The following CSMD1 variants were observed in gnomAD, a reference collection of about 807,000 sequenced individuals.
CSMD1 encodes CUB and Sushi multiple domains 1.
Under a neutral mutation model 417.5 loss-of-function variants are expected in CSMD1, and 213 were observed. The observed-to-expected ratio is 0.51, with a 90% confidence interval of 0.46 to 0.57. The LOEUF is 0.57. Among genes scored for constraint, CSMD1 ranks in the 20% least tolerant of loss-of-function variants. The pLI, the probability that CSMD1 is intolerant of heterozygous loss-of-function variation, is 0.00. For missense variants in CSMD1, 6,923 were observed against 4,529.7 expected, an observed-to-expected ratio of 1.53 and a Z score of -15.17; for synonymous variants, 2,862 against 1,736.8, an observed-to-expected ratio of 1.65 and a Z score of -16.11.
intron 7 of CSMD1, among the ~76,000 whole-genome samples, chr8:3,701,189 G>C (rs1037771818): frequency 6.6e-6 from 1 of 152,098 alleles, no homozygotes; most frequent in Non-Finnish European, 1.5e-5. Flanking sequence ...TGGATAGGAA[G>C]TTCTGGCCCG....
At chr8:3,001,520 G>C (rs1197346358) in intron 52 of CSMD1, among the ~76,000 whole-genome samples, 12 of 152,102 alleles carry the variant, frequency 7.9e-5, no homozygotes, top group Admixed American at 7.9e-4. Flanking sequence ...CATTCACCAT[G>C]AGTTCCTAAA....
At chr8:3,643,756 A>G (rs906366925) in intron 7 of CSMD1, among the ~76,000 whole-genome samples, 1 of 150,928 alleles carries the variant, frequency 6.6e-6, no homozygotes, top group African/African-American at 2.4e-5. Flanking sequence ...CAGCTACTTA[A>G]TCACCTCCTA....
chr8:3,745,715 G>A (rs984719302), intron 6 of CSMD1, among the ~76,000 whole-genome samples: 4 of 152,190 alleles, frequency 2.6e-5, no homozygotes, highest in Admixed American at 2.6e-4. Flanking sequence ...CCTCCTCAGA[G>A]TAGATTCCTT....
chr8:4,659,593 A>G (rs1804454769), intron 1 of CSMD1, among the ~76,000 whole-genome samples: 2 of 152,238 alleles, frequency 1.3e-5, no homozygotes, highest in East Asian at 1.9e-4. Flanking sequence ...AGTTATATCC[A>G]TAGACACAGA....
At chr8:4,275,522 TG>T (rs1796436069) in intron 3 of CSMD1, among the ~76,000 whole-genome samples, 2 of 152,188 alleles carry the variant, frequency 1.3e-5, no homozygotes, top group African/African-American at 4.8e-5. Flanking sequence ...GTGCTGCTTT[TG>T]TAACTGTTAC....
At chr8:4,769,874 A>G (rs115283531) in intron 1 of CSMD1, among the ~76,000 whole-genome samples, 355 of 152,316 alleles carry the variant, frequency 2.3e-3, no homozygotes, top group African/African-American at 8.3e-3. Context: ...TCCCACCACT[A>G]ACATCATTTT....
chr8:4,404,425 T>C (rs1032552260), intron 3 of CSMD1, among the ~76,000 whole-genome samples: 6 of 152,194 alleles, frequency 3.9e-5, no homozygotes, highest in African/African-American at 7.2e-5. Context: ...TAATCATCAA[T>C]AAATATTTGT....
At chr8:3,608,409 A>G (rs1801725226) in intron 8 of CSMD1, among the ~76,000 whole-genome samples, 1 of 152,126 alleles carries the variant, frequency 6.6e-6, no homozygotes, top group Non-Finnish European at 1.5e-5. Flanking sequence ...GGAGCTCCCT[A>G]AGTTCAGTTT....
At chr8:4,770,231 ACATATT>A (rs1369495219) in intron 1 of CSMD1, among the ~76,000 whole-genome samples, 1 of 148,638 alleles carries the variant, frequency 6.7e-6, no homozygotes, top group Non-Finnish European at 1.5e-5. Context: ...ATTCCTATAT[ACATATT>A]CATATATGTA....
Position 3,902,441 on chromosome 8 carries a change from T to C in CSMD1, c.818+95462A>G, listed in dbSNP as rs2129134339. The stretch of plus-strand genomic sequence containing the variant: ...TCTTTTTTGCTACCAGGGACCAATT[T>C]CATGAAAGACATTTTTTTTTCCATG... On this transcript the variant is annotated intron_variant, in intron 5 of 69. Coordinates refer to ENST00000635120, the MANE Select transcript of CSMD1 (RefSeq NM_033225.6). Among the ~76,000 whole-genome samples the C allele has an allele frequency of 1.3e-5, 2 of 151,830 alleles. 1 individual carries two copies. Among genetic ancestry groups the C allele is most frequent in the South Asian group, 4.1e-4 (2 of 4,820 alleles).
intron 1 of CSMD1, among the ~76,000 whole-genome samples, chr8:4,954,891 T>A (rs568790782): frequency 2.4e-4 from 36 of 152,352 alleles, no homozygotes; most frequent in Non-Finnish European, 3.7e-4. Context: ...TTCAGAGTAC[T>A]TTGTTTCAAA....
intron 49 of CSMD1, among the ~76,000 whole-genome samples, chr8:3,059,252 C>CAA (rs34479938): frequency 1.6e-4 from 23 of 140,140 alleles, no homozygotes; most frequent in African/African-American, 5.0e-4. Context: ...CCCCAGACAT[C>CAA]AAAAAAAAAA....
chr8:3,191,709 A>T (rs1419998068), intron 33 of CSMD1, among the ~76,000 whole-genome samples: 1 of 152,174 alleles, frequency 6.6e-6, no homozygotes, highest in Non-Finnish European at 1.5e-5. Context: ...TGTTTATCAA[A>T]AGGAATGTGG....
rs571008209 is a variant in CSMD1, at chr8:3,299,557, G to A, written c.3950+8138C>T. 7.2e-4 allele frequency among the ~76,000 whole-genome samples: 63 copies of A among 87,712 alleles called. 3 individuals are homozygous for A. Among genetic ancestry groups the A allele is most frequent in the Non-Finnish European group, 5.1e-5 (2 of 39,474 alleles). The allele number at this position is 87,712 out of a possible 152,430, so 57.5% of individuals were successfully genotyped here. The stretch of plus-strand genomic sequence containing the variant: ...ATCCTCCAACGCACAGTGTCCCAAG[G>A]TCTGGCAGATAAAAGCACGCCACCA... On this transcript the variant is annotated intron_variant, in intron 25 of 69. Coordinates refer to ENST00000635120, the MANE Select transcript of CSMD1 (RefSeq NM_033225.6).
chr8:4,982,515 T>C (rs1019806159), intron 1 of CSMD1, among the ~76,000 whole-genome samples: 1 of 152,184 alleles, frequency 6.6e-6, no homozygotes, highest in African/African-American at 2.4e-5. Flanking sequence ...GTGGCTCAAA[T>C]CTCTTCTTCT....
chr8:4,636,796 T>C (rs1355382549), intron 2 of CSMD1, among the ~76,000 whole-genome samples: 4 of 152,164 alleles, frequency 2.6e-5, no homozygotes, highest in Admixed American at 1.3e-4. Context: ...TTTTCTTTTC[T>C]GGTAATGAGG....
rs1585226539 is a variant in CSMD1, at chr8:3,479,900, T to C, written c.1449-11076A>G. The stretch of plus-strand genomic sequence containing the variant: ...TAAATCTAAGTAAAGAAATAAGTTA[T>C]AAAAATGAACTAAAAGGAAATTATG... On this transcript the variant is annotated intron_variant, in intron 11 of 69. Coordinates refer to ENST00000635120, the MANE Select transcript of CSMD1 (RefSeq NM_033225.6). Among the ~76,000 whole-genome samples the C allele has an allele frequency of 4.6e-5, 7 of 151,986 alleles. No homozygotes were observed. In the South Asian group the frequency reaches 1.5e-3, roughly 32 times the overall value.
intron 2 of CSMD1, among the ~76,000 whole-genome samples, chr8:4,479,128 C>T: frequency 6.6e-6 from 1 of 152,108 alleles, no homozygotes; most frequent in Non-Finnish European, 1.5e-5. Context: ...GAGAAAATTA[C>T]AATTCTTTAA....
At chr8:3,906,976 C>T (rs148285054) in intron 5 of CSMD1, among the ~76,000 whole-genome samples, 106 of 152,230 alleles carry the variant, frequency 7.0e-4, no homozygotes, top group East Asian at 5.2e-3. Flanking sequence ...ACAACTGAAA[C>T]GCTTCAAACA....
Sources: allele counts gnomAD v4.1 joint callset (sites outside exome capture counted in the v4.1 genomes callset), GRCh38; gene constraint gnomAD v4.1.1; transcripts MANE v1.5; gene names NCBI Gene and HGNC (gene_info 2026-07-23, HGNC 2026-07-21).